Variants in ZP3 observed in about 807,000 individuals in gnomAD.
ZP3 encodes zona pellucida sperm-binding protein 3.
In ZP3, 21 loss-of-function variants were observed where a neutral mutation model predicts 35.6. The observed-to-expected ratio is 0.59, with a 90% CI of 0.42 to 0.85. The LOEUF (loss-of-function observed/expected upper bound fraction) is 0.85, where lower values mean the gene tolerates loss of function less well. Ranked by LOEUF, ZP3 falls within the 40% of genes least tolerant of loss-of-function variation. The pLI, the probability that ZP3 is intolerant of heterozygous loss-of-function variation, is 0.00. For synonymous variants in ZP3, 207 were observed against 214.5 expected, an observed-to-expected ratio of 0.96 and a Z score of 0.31; for missense variants, 437 against 536.5, an observed-to-expected ratio of 0.81 and a Z score of 1.83.
In ZP3 at chr7:76,425,052, G is replaced by A. The variant is rs1175958436; in HGVS notation, c.88G>A (p.Gly30Ser). ...CYPQPLWLLQ[G>S]GASHPETSVQ... ...CCCCCAACCCCTCTGGCTCTTGCAG[G>A]GTGGAGCCAGCCATCCTGAGACGTC... The change falls in exon 1 of 8, where the codon GGT becomes AGT. Residue 30 changes from glycine (G) to serine (S), a missense_variant. By Grantham distance (56) the Gly-to-Ser change is moderately conservative. Coordinates refer to ENST00000394857, the MANE Select transcript of ZP3 (RefSeq NM_001110354.2). 4 of 1,610,070 alleles carry A rather than the reference G, an allele frequency of 2.5e-6. No homozygotes were observed. In the East Asian group the frequency reaches 8.9e-5, roughly 36 times the overall value.
At chr7:76,421,964 T>G (rs1020014431), upstream of ZP3, among the ~76,000 whole-genome samples, 3 of 152,004 alleles carry the variant, frequency 2.0e-5, no homozygotes, top group African/African-American at 7.3e-5. Context: ...CGGCGTGATC[T>G]TGGCTCACTA....
upstream of ZP3, among the ~76,000 whole-genome samples, chr7:76,420,358 A>T (rs1480802358): frequency 3.3e-5 from 5 of 152,134 alleles, no homozygotes; most frequent in Non-Finnish European, 5.9e-5. Flanking sequence ...TGGCTTTTTG[A>T]TCCTTAGCTC....
At chr7:76,413,419 C>T (rs570693764) in intron 1 of ZP3, among the ~76,000 whole-genome samples, 1 of 151,872 alleles carries the variant, frequency 6.6e-6, no homozygotes, top group East Asian at 1.9e-4. Context: ...CATGCCACCA[C>T]AACTTGCTAA....
chr7:76,428,423 A>G (rs960571389), intron 1 of ZP3, among the ~76,000 whole-genome samples: 1 of 152,148 alleles, frequency 6.6e-6, no homozygotes, highest in Non-Finnish European at 1.5e-5. Flanking sequence ...TTCTCAAGAG[A>G]ATCTCATACC....
At chr7:76,398,309 A>G (rs1035674867) in intron 1 of ZP3, among the ~76,000 whole-genome samples, 7 of 127,212 alleles carry the variant, frequency 5.5e-5, no homozygotes, top group Non-Finnish European at 1.0e-4. Flanking sequence ...TTCATTTTCT[A>G]TTTTTTTTTT....
At chr7:76,426,462 C>G (rs1805655007) in intron 1 of ZP3, among the ~76,000 whole-genome samples, 1 of 152,192 alleles carries the variant, frequency 6.6e-6, no homozygotes, top group African/African-American at 2.4e-5. Flanking sequence ...GCAAGTCCAG[C>G]CCCTGGAGCC....
chr7:76,434,681 C>A (rs866675232), intron 5 of ZP3, among the ~76,000 whole-genome samples: 1,746 of 146,470 alleles, frequency 0.012, 10 homozygotes, highest in African/African-American at 0.04. Flanking sequence ...TGGAGGCTTT[C>A]TGCAGGGGCA....
rs570454395 is a variant in ZP3, at chr7:76,435,332, T to C, written c.831+1177T>C. The stretch of plus-strand genomic sequence containing the variant: ...CATGCCTGGCTAATTTTTTTGTATT[T>C]CTAGTAGAGACAAGGTTTTACCATG... On this transcript the variant is annotated intron_variant, in intron 5 of 7. Coordinates refer to ENST00000394857, the MANE Select transcript of ZP3 (RefSeq NM_001110354.2). 3.3e-5 allele frequency among the ~76,000 whole-genome samples: 5 copies of C among 152,340 alleles called. No homozygotes were observed. The South Asian group carries it at 8.3e-4, about 25-fold the overall frequency.
chr7:76,401,186 A>G, intron 1 of ZP3: 1 of 1,209,954 alleles, frequency 8.3e-7, no homozygotes, highest in Non-Finnish European at 1.1e-6. Flanking sequence ...CCAAAGCCCC[A>G]TTGTCTCTTT....
At chr7:76,424,897 G>A (rs993319568), upstream of ZP3, 1 of 1,412,234 alleles carries the variant, frequency 7.1e-7, no homozygotes, top group African/African-American at 1.4e-5. Flanking sequence ...GAGAGCCCAG[G>A]TGGCAGCAGC....
chr7:76,429,563 C>A lies in ZP3; in HGVS notation c.361C>A (p.Arg121Ser), dbSNP rs778149636. 1 of 1,614,104 alleles carries A rather than the reference C, an allele frequency of 6.2e-7. No homozygotes were observed. Among genetic ancestry groups the A allele is most frequent in the Non-Finnish European group, 8.5e-7 (1 of 1,179,990 alleles). The change falls in exon 2 of 8, where the codon CGC (arginine) becomes AGC (serine). Residue 121 changes from arginine to serine, a missense_variant. By Grantham distance (110) the Arg-to-Ser change is moderately radical. Coordinates refer to ENST00000394857, the MANE Select transcript of ZP3 (RefSeq NM_001110354.2). ...CAGCACCTTCCTGCTCCATGACCCC[C>A]GCCCCGTGGGAAACCTGTCCATCGT... is the stretch of plus-strand genomic sequence containing the variant. ...VYSTFLLHDPRPVGNLSIVRT... is the reference protein window; with the variant it reads ...VYSTFLLHDPSPVGNLSIVRT...
chr7:76,424,594 A>G (rs767550739), upstream of ZP3, among the ~76,000 whole-genome samples: 1 of 152,218 alleles, frequency 6.6e-6, no homozygotes, highest in African/African-American at 2.4e-5. Flanking sequence ...ACGAGATCAT[A>G]CCACTGCACT....
intron 1 of ZP3, among the ~76,000 whole-genome samples, chr7:76,402,499 G>A (rs112991273): frequency 0.025 from 3,832 of 151,446 alleles, 123 homozygotes; most frequent in East Asian, 0.13. Flanking sequence ...TTAATTTTTT[G>A]TAGAGACAGG....
At position 76,425,062 on chromosome 7, in the gene ZP3, G is replaced by A; in HGVS notation, c.98G>A (p.Ser33Asn). Residue 33 changes from serine to asparagine, a missense_variant, in exon 1 of 8, where the codon AGC becomes AAC. Physicochemically the swap from Ser to Asn is conservative, Grantham distance 46. Transcript: ENST00000394857. Reference sequence around the variant, plus strand: ...CTCTGGCTCTTGCAGGGTGGAGCCAGCCATCCTGAGACGTCCGTACAGCCC... The same window carrying A: ...CTCTGGCTCTTGCAGGGTGGAGCCAACCATCCTGAGACGTCCGTACAGCCC... ...QPLWLLQGGA[S>N]HPETSVQPVL... 6.2e-7 allele frequency: 1 copy of A among 1,612,030 alleles called. No individual in the cohort carries two copies. The highest frequency in any genetic ancestry group is 1.7e-5 in the Admixed American group (1 of 59,688).
At chr7:76,416,973 T>TATATATATATATATATATATAA (rs568367143) in intron 1 of ZP3, among the ~76,000 whole-genome samples, 3 of 47,158 alleles carry the variant, frequency 6.4e-5, no homozygotes, top group Admixed American at 4.1e-4. Flanking sequence ...TATATATATA[T>TATATATATATATATATATATAA]AATTTGGCAT....
chr7:76,433,113 GTTTGTTTGGTTTTGGT>G, intron 3 of ZP3, 83 bp downstream of exon 3: 3 of 1,091,476 alleles, frequency 2.7e-6, no homozygotes, highest in South Asian at 2.9e-5. Flanking sequence ...TCTTTTTTTT[GTTTGTTTGGTTTTGGT>G]TTTGGTTGGT....
At chr7:76,419,962 C>T (rs1805467789), upstream of ZP3, among the ~76,000 whole-genome samples, 1 of 151,946 alleles carries the variant, frequency 6.6e-6, no homozygotes, top group Non-Finnish European at 1.5e-5. Flanking sequence ...ACACCACGCC[C>T]AGCTAATTTT....
At chr7:76,419,950 C>T (rs146570479), upstream of ZP3, among the ~76,000 whole-genome samples, 2,261 of 151,762 alleles carry the variant, frequency 0.015, 23 homozygotes, top group Non-Finnish European at 0.021. Flanking sequence ...TACAGGCGCG[C>T]GACACCACGC....
rs1805903793 is a variant in ZP3, at chr7:76,433,604, G to C, written c.670G>C (p.Asp224His). The change falls in exon 4 of 8, where the codon GAC becomes CAC. Residue 224 changes from aspartate to histidine, a missense_variant. Coordinates refer to ENST00000394857, the MANE Select transcript of ZP3 (RefSeq NM_001110354.2). ...CCACTGCGTGGCCACACCGACACCA[G>C]ACCAGAATGCCTCCCCTTATCACAC... Reference protein sequence around the residue: ...VDHCVATPTPDQNASPYHTIV... With the variant: ...VDHCVATPTPHQNASPYHTIV... 1 of 1,613,860 alleles carries C rather than the reference G, an allele frequency of 6.2e-7. No homozygotes were observed. The highest frequency in any genetic ancestry group is 8.5e-7 in the Non-Finnish European group (1 of 1,179,842).
Sources: allele counts gnomAD v4.1 joint callset (sites outside exome capture counted in the v4.1 genomes callset), GRCh38; gene constraint gnomAD v4.1.1; transcripts MANE v1.5; gene names NCBI Gene and HGNC (gene_info 2026-07-23, HGNC 2026-07-21).